ROCK2: variants seen among roughly 807,000 people sequenced by gnomAD.
ROCK2 encodes the protein Rho associated coiled-coil containing protein kinase 2.
In ROCK2, 61 loss-of-function variants were observed where a neutral mutation model predicts 195.1. The ratio of observed to expected loss-of-function variants is 0.31; its 90% CI spans 0.25 to 0.39. The LOEUF is 0.39. Ranked by LOEUF, ROCK2 falls within the 10% of genes least tolerant of loss-of-function variation. The probability of loss-of-function intolerance (pLI) is 1.00; values close to 1 mark genes in which losing one functional copy is unlikely to be tolerated. For synonymous variants in ROCK2, 504 were observed against 545.5 expected (o/e 0.92, Z 1.06); for missense variants, 1,109 against 1,637.4 (o/e 0.68, Z 5.57).
chr2:11,203,263 G>C (rs1031049395), intron 20 of ROCK2, among the ~76,000 whole-genome samples: 1 of 152,132 alleles, frequency 6.6e-6, no homozygotes, highest in African/African-American at 2.4e-5. Flanking sequence ...AATAAAGCAA[G>C]TTGGAGAACA....
At chr2:11,208,955 G>A (rs943605843) in intron 18 of ROCK2, among the ~76,000 whole-genome samples, 2 of 152,146 alleles carry the variant, frequency 1.3e-5, no homozygotes, top group African/African-American at 4.8e-5. Flanking sequence ...TTCACAGGGT[G>A]TAAAAATGTA....
chr2:11,301,404 C>G (rs918842508), intron 1 of ROCK2, among the ~76,000 whole-genome samples: 2 of 151,998 alleles, frequency 1.3e-5, no homozygotes, highest in East Asian at 3.9e-4. Context: ...AGTGTATATA[C>G]TCAAAAAACT....
chr2:11,224,588 A>G, intron 6 of ROCK2, 128 bp from the exon 7 acceptor site: 1 of 781,374 alleles, frequency 1.3e-6, no homozygotes, highest in Non-Finnish European at 2.1e-6. Context: ...CTACGGGCAC[A>G]GAGTCCCAGT....
intron 1 of ROCK2, among the ~76,000 whole-genome samples, chr2:11,310,029 T>C (rs116431010): frequency 0.011 from 1,691 of 152,324 alleles, 19 homozygotes; most frequent in Non-Finnish European, 0.016. Context: ...AATTTTTCTT[T>C]GAGAGATTTC....
In ROCK2 at chr2:11,197,286, A is replaced by G; in HGVS notation, c.3342T>C (p.Ser1114=). ...ELQMTLDSKD[S]DIEQLRSQLQ... The stretch of plus-strand genomic sequence containing the variant: ...GTTGTGACCGCAGCTGCTCAATGTC[A>G]CTGTCTTTACTGTCCAATGTCATCT... The change falls in exon 27 of 33, where the codon AGT becomes AGC. Residue 1114 remains serine (S), a synonymous_variant. Transcript: ENST00000315872. This position sits in a 1 kb window ranked among gnomAD's most constrained non-coding sequence, Gnocchi z 4.9. 6.2e-7 allele frequency: 1 copy of G among 1,614,046 alleles called. No individual in the cohort carries two copies. The highest frequency in any genetic ancestry group is 1.1e-5 in the South Asian group (1 of 91,082).
At chr2:11,295,966 A>AAGAGAGAGAGAAAGAGAGAG (rs1667500456) in intron 1 of ROCK2, among the ~76,000 whole-genome samples, 1 of 77,756 alleles carries the variant, frequency 1.3e-5, no homozygotes, top group African/African-American at 4.4e-5. Context: ...CAAAAAACAA[A>AAGAGAGAGAGAAAGAGAGAG]AGAGAGAGAG....
At chr2:11,214,537 C>T in intron 16 of ROCK2, 74 bp from the exon 17 acceptor site, 2 of 862,498 alleles carry the variant, frequency 2.3e-6, no homozygotes, top group Non-Finnish European at 1.8e-6. Flanking sequence ...AAAAAGTTTG[C>T]AAGCCACCTT....
intron 1 of ROCK2, among the ~76,000 whole-genome samples, chr2:11,302,715 A>T (rs982586411): frequency 1.3e-5 from 2 of 152,230 alleles, no homozygotes; most frequent in Non-Finnish European, 2.9e-5. Flanking sequence ...CTTAGTACTA[A>T]TAAGAATATG....
At chr2:11,337,581 C>T (rs1382327905) in intron 1 of ROCK2, among the ~76,000 whole-genome samples, 3 of 151,634 alleles carry the variant, frequency 2.0e-5, no homozygotes, top group Non-Finnish European at 4.4e-5. Flanking sequence ...CTCTCATATA[C>T]TGTTGGTGGG....
rs368133500 is a variant in ROCK2, at chr2:11,227,397, G to A, written c.725C>T (p.Thr242Ile). ...TGCTGTATCACAATGTACCATGCCT[G>A]TCTGCATGAACAGGAGAGATAAAGA... is the stretch of plus-strand genomic sequence containing the variant. Reference protein sequence around the residue: ...DFGTCMKMDETGMVHCDTAVG... With the variant: ...DFGTCMKMDEIGMVHCDTAVG... The change falls in exon 6 of 33, where the codon ACA (threonine) becomes ATA (isoleucine). Residue 242 changes from threonine to isoleucine, a missense_variant and splice_region_variant. Thr to Ile is a moderately conservative substitution (Grantham distance 89, BLOSUM62 -1). Around this residue, in one of 6 missense-constraint regions of ROCK2, gnomAD observed 253 missense variants for 455.5 expected, o/e 0.56. Transcript: ENST00000315872. 3.7e-6 allele frequency: 6 copies of A among 1,609,712 alleles called. No individual in the cohort carries two copies. In the African/African-American group the frequency reaches 8.0e-5, roughly 22 times the overall value.
At chr2:11,187,476 T>C (rs1663238769) in intron 32 of ROCK2, among the ~76,000 whole-genome samples, 2 of 152,222 alleles carry the variant, frequency 1.3e-5, no homozygotes, top group Non-Finnish European at 2.9e-5. Context: ...ACTGGGGGTC[T>C]TGGACTACAT....
At chr2:11,290,310 G>A (rs1329886702) in intron 1 of ROCK2, among the ~76,000 whole-genome samples, 2 of 151,962 alleles carry the variant, frequency 1.3e-5, no homozygotes, top group Non-Finnish European at 1.5e-5. Context: ...TTCTTTAAGT[G>A]ACCCTAAACC....
intron 1 of ROCK2, among the ~76,000 whole-genome samples, chr2:11,341,309 G>A (rs1405838424): frequency 2.0e-5 from 3 of 152,146 alleles, no homozygotes; most frequent in African/African-American, 7.2e-5. Context: ...AAATTCAAAT[G>A]ATAATGCTAC....
chr2:11,198,970 A>C (rs1349203191), intron 23 of ROCK2, among the ~76,000 whole-genome samples, 196 bp from the exon 24 acceptor site: 1 of 148,744 alleles, frequency 6.7e-6, no homozygotes, highest in Non-Finnish European at 1.5e-5. Flanking sequence ...GCGCAATCTC[A>C]GCTCACTGCA....
chr2:11,330,433 T>C (rs569897133), intron 1 of ROCK2, among the ~76,000 whole-genome samples: 1 of 152,308 alleles, frequency 6.6e-6, no homozygotes, highest in Non-Finnish European at 1.5e-5. Flanking sequence ...GATACATTTT[T>C]CAAAATCATA....
At chr2:11,193,649 G>A (rs1663517951) in intron 30 of ROCK2, 130 bp downstream of exon 30, 2 of 466,184 alleles carry the variant, frequency 4.3e-6, no homozygotes, top group Non-Finnish European at 7.6e-6. Context: ...AAATAGGACT[G>A]AAACATAAAG....
intron 1 of ROCK2, among the ~76,000 whole-genome samples, chr2:11,336,321 G>C (rs1187511995): frequency 6.6e-6 from 1 of 152,140 alleles, no homozygotes; most frequent in Non-Finnish European, 1.5e-5. Flanking sequence ...CACCATCACA[G>C]CTCACTCAGT....
intron 4 of ROCK2, among the ~76,000 whole-genome samples, chr2:11,238,869 A>G (rs1033748093): frequency 1.4e-4 from 22 of 152,246 alleles, no homozygotes; most frequent in African/African-American, 4.8e-4. Flanking sequence ...AGATACATAG[A>G]TCGATTGAAC....
intron 1 of ROCK2, among the ~76,000 whole-genome samples, chr2:11,309,564 C>T (rs1242346548): frequency 6.6e-6 from 1 of 152,080 alleles, no homozygotes; most frequent in African/African-American, 2.4e-5. Context: ...AATTAGGGTT[C>T]TATACCTAGA....
Sources: allele counts gnomAD v4.1 joint callset (sites outside exome capture counted in the v4.1 genomes callset), GRCh38; gene constraint gnomAD v4.1.1; regional missense constraint gnomAD v4.1.1; non-coding constraint Gnocchi (gnomAD v3.1); transcripts MANE v1.5; gene names NCBI Gene and HGNC (gene_info 2026-07-23, HGNC 2026-07-21).